SHANK2: variants seen among roughly 807,000 people sequenced by gnomAD.
The protein encoded by SHANK2 is SH3 and multiple ankyrin repeat domains 2, also known as SH3 and multiple ankyrin repeat domains protein 2.
Under a neutral mutation model 133.7 loss-of-function variants are expected in SHANK2, and 43 were observed. The ratio of observed to expected loss-of-function variants is 0.32; its 90% CI spans 0.25 to 0.41. The LOEUF (loss-of-function observed/expected upper bound fraction) is 0.41. Among genes scored for constraint, SHANK2 ranks in the 10% least tolerant of loss-of-function variants. The pLI, the probability that SHANK2 is intolerant of heterozygous loss-of-function variation, is 1.00. For missense variants in SHANK2, 1,994 were observed against 2,235.8 expected, an observed-to-expected ratio of 0.89 and a Z score of 2.18; for synonymous variants, 1,017 against 952.8, an observed-to-expected ratio of 1.07 and a Z score of -1.24.
chr11:70,945,654 T>C (rs1950713975), intron 10 of SHANK2, among the ~76,000 whole-genome samples: 1 of 152,150 alleles, frequency 6.6e-6, no homozygotes, highest in Admixed American at 6.5e-5. Context: ...CCAGCCTGAG[T>C]GCATCAGGGC....
chr11:70,954,601 C>A (rs1046122411), intron 10 of SHANK2, among the ~76,000 whole-genome samples: 17 of 152,220 alleles, frequency 1.1e-4, no homozygotes, highest in Non-Finnish European at 2.1e-4. Flanking sequence ...GAGTCCTCCC[C>A]CAGTGAATGC....
chr11:71,109,553 C>T (rs782230224), intron 6 of SHANK2, among the ~76,000 whole-genome samples: 8 of 152,224 alleles, frequency 5.3e-5, no homozygotes, highest in Non-Finnish European at 1.0e-4. Flanking sequence ...TGCCCATCTG[C>T]TGGGCTGCCC....
intron 5 of SHANK2, 49 bp downstream of exon 5, chr11:71,113,244 G>A (rs1555099735): frequency 6.8e-7 from 1 of 1,477,744 alleles, no homozygotes; most frequent in African/African-American, 1.4e-5. Context: ...AGATAACAAG[G>A]AGGACGCCGC....
At position 71,212,237 on chromosome 11, in the gene SHANK2, G is replaced by A. The variant is rs1409972859; in HGVS notation, c.-13+12460C>T. On this transcript the variant is annotated intron_variant, in intron 2 of 25. Transcript: ENST00000601538. ...TCTCTTATGCTACAGTTGGGTCTTA[G>A]AGACTCCTCATGGTTCAAGCAGAGT... Among the ~76,000 whole-genome samples, 3 of 152,152 alleles carry A rather than the reference G, an allele frequency of 2.0e-5. 1 individual carries two copies. In the East Asian group the frequency reaches 5.8e-4, roughly 29 times the overall value.
chr11:70,614,544 C>T (rs1317754134), intron 17 of SHANK2, among the ~76,000 whole-genome samples: 1 of 152,180 alleles, frequency 6.6e-6, no homozygotes, highest in African/African-American at 2.4e-5. Context: ...AACTCCTGAC[C>T]TCAGGTGATC....
chr11:70,899,259 TAGTG>T (rs1565392936), intron 10 of SHANK2, among the ~76,000 whole-genome samples: 1 of 152,138 alleles, frequency 6.6e-6, no homozygotes, highest in Non-Finnish European at 1.5e-5. Context: ...GTTCTCGTGA[TAGTG>T]AGTGAGTTCT....
chr11:70,482,069 G>C (rs782471090), intron 25 of SHANK2, among the ~76,000 whole-genome samples: 1 of 152,262 alleles, frequency 6.6e-6, no homozygotes, highest in Non-Finnish European at 1.5e-5. Context: ...GCTCAGCCTG[G>C]TGAGGTTATT....
At chr11:70,648,509 G>A (rs1332445948) in intron 17 of SHANK2, among the ~76,000 whole-genome samples, 8 of 152,046 alleles carry the variant, frequency 5.3e-5, no homozygotes, top group African/African-American at 1.9e-4. Flanking sequence ...TGATTTACTC[G>A]AAACACAGTG....
chr11:71,177,570 A>C (rs1406834471), intron 2 of SHANK2, among the ~76,000 whole-genome samples: 2 of 152,232 alleles, frequency 1.3e-5, no homozygotes, highest in African/African-American at 4.8e-5. Context: ...GGAATCATAA[A>C]ATTCTATTAA....
At chr11:70,855,488 C>T (rs1265079575) in intron 11 of SHANK2, among the ~76,000 whole-genome samples, 1 of 152,252 alleles carries the variant, frequency 6.6e-6, no homozygotes, top group Non-Finnish European at 1.5e-5. Flanking sequence ...CCAGCTTCCC[C>T]TTCCTGATTC....
chr11:70,584,103 C>T (rs144005940), intron 17 of SHANK2, among the ~76,000 whole-genome samples: 5 of 152,318 alleles, frequency 3.3e-5, no homozygotes, highest in Non-Finnish European at 4.4e-5. Flanking sequence ...GCCTGTGACT[C>T]GGGTCTACCT....
intron 3 of SHANK2, among the ~76,000 whole-genome samples, chr11:71,133,455 CGGAG>C (rs1186106393): frequency 5.8e-5 from 7 of 120,740 alleles, no homozygotes; most frequent in Admixed American, 4.8e-4. Context: ...GACGGACAGA[CGGAG>C]GGAGGGAGGG....
chr11:70,831,069 T>C (rs1948717443), intron 11 of SHANK2, among the ~76,000 whole-genome samples: 1 of 152,126 alleles, frequency 6.6e-6, no homozygotes, highest in South Asian at 2.1e-4. Context: ...AGGGAGAGAT[T>C]GGAGGGGAAG....
chr11:71,181,953 C>A (rs943800094), intron 2 of SHANK2, among the ~76,000 whole-genome samples: 1 of 152,084 alleles, frequency 6.6e-6, no homozygotes. Context: ...ATGGGTGTGA[C>A]CAACCTTGCC....
At chr11:70,557,398 A>G (rs1304479999) in intron 17 of SHANK2, among the ~76,000 whole-genome samples, 1 of 152,070 alleles carries the variant, frequency 6.6e-6, no homozygotes, top group African/African-American at 2.4e-5. Flanking sequence ...CCTCCTCCTA[A>G]GAAGGGACTC....
intron 14 of SHANK2, 53 bp from the exon 15 acceptor site, chr11:70,698,816 G>A (rs11237214): frequency 0.095 from 68,061 of 717,978 alleles, 5,322 homozygotes; most frequent in African/African-American, 0.31. Context: ...GTCCCCGAAC[G>A]CGGAACCCAC....
chr11:71,093,892 G>T (rs1429426156), intron 7 of SHANK2, among the ~76,000 whole-genome samples: 1 of 152,210 alleles, frequency 6.6e-6, no homozygotes, highest in Non-Finnish European at 1.5e-5. Flanking sequence ...ATCCCTGCTG[G>T]TGTGGGCTCT....
chr11:71,094,704 A>G lies in SHANK2; in HGVS notation c.593-16T>C, dbSNP rs1339915173. ...AGGGGGGTCTCTGAGGAACCCAAACACACACACTTTAGAACCAACATTTGT... is the reference window on the plus strand; with the variant it reads ...AGGGGGGTCTCTGAGGAACCCAAACGCACACACTTTAGAACCAACATTTGT... On this transcript the variant is annotated splice_polypyrimidine_tract_variant and intron_variant, in intron 6 of 25. Coordinates refer to ENST00000601538, the MANE Select transcript of SHANK2 (RefSeq NM_012309.5). 6.4e-7 allele frequency: 1 copy of G among 1,550,756 alleles called. No homozygotes were observed. Among genetic ancestry groups the G allele is most frequent in the South Asian group, 1.2e-5 (1 of 83,998 alleles).
Position 71,109,956 on chromosome 11 carries a change from CG to C in SHANK2, c.576del (p.His192GlnfsTer10). The C allele has an allele frequency of 6.4e-7, 1 of 1,551,138 alleles. No individual in the cohort carries two copies. The highest frequency in any genetic ancestry group is 1.4e-5 in the African/African-American group (1 of 73,156). On this transcript the variant is annotated frameshift_variant, in exon 6 of 26. Transcript: ENST00000601538. LOFTEE classifies it high-confidence loss of function. Reference protein sequence around the residue: ...MLDRGLDPNFHDPETGETPLT... With the variant: ...MLDRGLDPNFXDPETGETPLT... ...AAGTGCTCACCTCCGGTCTCCGGGT[CG>C]TGGAAATTGGGATCCAGGCCTCGGT...
Sources: allele counts gnomAD v4.1 joint callset (sites outside exome capture counted in the v4.1 genomes callset), GRCh38; gene constraint gnomAD v4.1.1; transcripts MANE v1.5; gene names NCBI Gene and HGNC (gene_info 2026-07-23, HGNC 2026-07-21).